Variants in DGKH observed in about 807,000 individuals in gnomAD.
The protein encoded by DGKH is DAG kinase eta.
A neutral mutation model predicts 159.3 loss-of-function variants in DGKH; 90 were observed. That is an observed-to-expected ratio of 0.57 (90% confidence interval 0.48 to 0.67). The LOEUF (loss-of-function observed/expected upper bound fraction) is 0.67, where lower values mean the gene tolerates loss of function less well. DGKH is among the 30% of genes least tolerant of loss of function. The pLI is 0.00. For synonymous variants in DGKH, 536 were observed against 553.8 expected (o/e 0.97, Z 0.45); for missense variants, 1,181 against 1,506.1 (o/e 0.78, Z 3.57).
At chr13:42,045,905 T>C (rs1180590842), upstream of DGKH, among the ~76,000 whole-genome samples, 4 of 152,156 alleles carry the variant, frequency 2.6e-5, no homozygotes, top group African/African-American at 9.7e-5. Context: ...CTGTAGAAAA[T>C]AATACACGAA....
At chr13:42,199,496 T>C in intron 18 of DGKH, 70 bp from the exon 19 acceptor site, 1 of 1,109,656 alleles carries the variant, frequency 9.0e-7, no homozygotes, top group Non-Finnish European at 1.3e-6. Context: ...AAGTACTATC[T>C]TGTGTACAAA....
Position 42,102,153 on chromosome 13 carries a change from G to T in DGKH, c.193-25310G>T, listed in dbSNP as rs541431143. Among the ~76,000 whole-genome samples the T allele has an allele frequency of 1.6e-4, 24 of 152,368 alleles. No homozygotes were observed. In the South Asian group the frequency reaches 1.7e-3, roughly 11 times the overall value. ...TCACCTCAGGCTGAGTGAGGGAGTTGCAAGGAGACTGCTTGGCTCTGTTGA... is the reference window on the plus strand; with the variant it reads ...TCACCTCAGGCTGAGTGAGGGAGTTTCAAGGAGACTGCTTGGCTCTGTTGA... On this transcript the variant is annotated intron_variant, in intron 1 of 29. Coordinates refer to ENST00000337343, the MANE Select transcript of DGKH (RefSeq NM_178009.5).
chr13:42,066,355 T>A (rs1192243997), intron 1 of DGKH: 1 of 152,178 alleles, frequency 6.6e-6, no homozygotes, highest in Non-Finnish European at 1.5e-5. Context: ...AGCCTTGAAC[T>A]GGAGGGAAAT....
rs1001853119 is a variant in DGKH at position 42,237,246 on chromosome 13, T to G, written c.*8058T>G. The stretch of plus-strand genomic sequence containing the variant: ...AAAATTGCTTTAATAAGCCCTAACT[T>G]TAACTGTTTTCTTCTATGTTACAGT... On this transcript the variant is annotated 3_prime_UTR_variant, in exon 30 of 30. Coordinates refer to ENST00000337343, the MANE Select transcript of DGKH (RefSeq NM_178009.5). The G allele has an allele frequency of 2.6e-5, 4 of 152,238 alleles. No individual in the cohort carries two copies. The highest frequency in any genetic ancestry group is 4.4e-5 in the Non-Finnish European group (3 of 68,030). 9.4% of individuals were successfully genotyped at this position (152,238 alleles called of 1,614,324 possible).
chr13:42,168,330 T>G, intron 9 of DGKH, 110 bp from the exon 10 acceptor site: 1 of 855,222 alleles, frequency 1.2e-6, no homozygotes, highest in South Asian at 2.0e-5. Context: ...AACATGTAAG[T>G]AGGAGTTCTT....
intron 20 of DGKH, among the ~76,000 whole-genome samples, chr13:42,202,830 A>AC (rs1957379528): frequency 6.6e-6 from 1 of 152,186 alleles, no homozygotes; most frequent in South Asian, 2.1e-4. Flanking sequence ...AAAATTCCAA[A>AC]CATTTTTTGT....
At chr13:42,172,418 A>G (rs1175409263) in intron 11 of DGKH, among the ~76,000 whole-genome samples, 1 of 152,332 alleles carries the variant, frequency 6.6e-6, no homozygotes, top group Non-Finnish European at 1.5e-5. Flanking sequence ...GGAAGAGTTG[A>G]ATAGTAGCTA....
intron 14 of DGKH, among the ~76,000 whole-genome samples, 190 bp downstream of exon 14, chr13:42,187,338 A>G (rs1956955808): frequency 6.6e-6 from 1 of 152,190 alleles, no homozygotes; most frequent in South Asian, 2.1e-4. Flanking sequence ...ATATGTAGGA[A>G]AACTGCATTG....
intron 1 of DGKH, among the ~76,000 whole-genome samples, chr13:42,065,876 T>A (rs975055433): frequency 5.9e-5 from 9 of 152,134 alleles, no homozygotes; most frequent in African/African-American, 1.7e-4. Flanking sequence ...AGCAATGTGA[T>A]CATATGATAT....
chr13:42,180,284 C>G (rs1034477847), intron 13 of DGKH, among the ~76,000 whole-genome samples: 3 of 152,208 alleles, frequency 2.0e-5, no homozygotes, highest in African/African-American at 2.4e-5. Flanking sequence ...ATTTCACCAT[C>G]AAGCAATACA....
At chr13:42,114,850 C>T (rs369687002) in intron 1 of DGKH, among the ~76,000 whole-genome samples, 79 of 152,302 alleles carry the variant, frequency 5.2e-4, no homozygotes, top group African/African-American at 1.9e-3. Flanking sequence ...CCAGGATTGT[C>T]TCTTTATGTA....
rs184477420 is a variant in DGKH at position 42,236,185 on chromosome 13, A to G, written c.*6997A>G. 6.6e-6 allele frequency: 1 copy of G among 152,188 alleles called. No individual in the cohort carries two copies. Among genetic ancestry groups the G allele is most frequent in the African/African-American group, 2.4e-5 (1 of 41,462 alleles). 9.4% of individuals were successfully genotyped at this position (152,188 alleles called of 1,614,324 possible). ...TTCCACAAGTTGTATAAATCAGTGC[A>G]TTTATTTATTATGTTGTGAAACTTA... On this transcript the variant is annotated 3_prime_UTR_variant, in exon 30 of 30. Coordinates refer to ENST00000337343, the MANE Select transcript of DGKH (RefSeq NM_178009.5).
At chr13:42,087,595 T>C (rs1405698867) in intron 1 of DGKH, among the ~76,000 whole-genome samples, 2 of 152,198 alleles carry the variant, frequency 1.3e-5, no homozygotes, top group Non-Finnish European at 2.9e-5. Flanking sequence ...AGGACTCAGA[T>C]TCAACTTCTA....
chr13:42,123,900 T>C (rs2137832061), intron 1 of DGKH, among the ~76,000 whole-genome samples: 1 of 152,322 alleles, frequency 6.6e-6, no homozygotes, highest in East Asian at 1.9e-4. Flanking sequence ...GTAGTGATTA[T>C]AAAGGGATGC....
chr13:42,176,334 T>G (rs1470716712), intron 12 of DGKH, among the ~76,000 whole-genome samples: 1 of 152,190 alleles, frequency 6.6e-6, no homozygotes, highest in Non-Finnish European at 1.5e-5. Flanking sequence ...AACATTTTCT[T>G]TTTTCAAATT....
chr13:42,224,908 A>G (rs2138265825), intron 29 of DGKH, among the ~76,000 whole-genome samples: 1 of 151,520 alleles, frequency 6.6e-6, no homozygotes, highest in East Asian at 1.9e-4. Context: ...AAAAAAATAT[A>G]TATATATATA....
In DGKH at chr13:42,219,349, G is replaced by A; in HGVS notation, c.3333G>A (p.Glu1111=). ...ATATCTTACACCCAAATGAGGATGA[G>A]GTATGTAAAATTCAGCCTGTTTCTC... is the stretch of plus-strand genomic sequence containing the variant. ...LYYILHPNED[E]EPPMDCTKRN... is the part of the protein sequence containing the mutation. Residue 1111 remains glutamate, a splice_region_variant and synonymous_variant, in exon 27 of 30, where the codon GAG becomes GAA. Coordinates refer to ENST00000337343, the MANE Select transcript of DGKH (RefSeq NM_178009.5). 2 of 1,613,126 alleles carry A rather than the reference G, an allele frequency of 1.2e-6. No individual in the cohort carries two copies. The highest frequency in any genetic ancestry group is 1.7e-6 in the Non-Finnish European group (2 of 1,179,656).
rs114807772 is a variant in DGKH, at chr13:42,224,541, T to G, written c.3573+3147T>G. ...ATCCACGTTGCAACCAGAGTGTTAT[T>G]TTAGCATCATCAATCAGGTGTACAC... is the stretch of plus-strand genomic sequence containing the variant. On this transcript the variant is annotated intron_variant, in intron 29 of 29. Transcript: ENST00000337343. Among the ~76,000 whole-genome samples, 294 of 152,340 alleles carry G rather than the reference T, an allele frequency of 1.9e-3. 2 individuals carry two copies. Among genetic ancestry groups the G allele is most frequent in the Middle Eastern group, 6.8e-3 (2 of 294 alleles).
chr13:42,084,677 C>A (rs1954269026), intron 1 of DGKH, among the ~76,000 whole-genome samples: 1 of 151,594 alleles, frequency 6.6e-6, no homozygotes, highest in Non-Finnish European at 1.5e-5. Context: ...TAACAATATT[C>A]TTTATAGGTT....
Sources: gnomAD v4.1 joint callset for allele counts (sites outside exome capture counted in the v4.1 genomes callset) on GRCh38, gnomAD v4.1.1 for gene constraint, MANE v1.5 for transcripts, NCBI Gene and HGNC (gene_info 2026-07-23, HGNC 2026-07-21) for gene names.